Variants in COL9A2 observed in about 807,000 individuals in gnomAD.
COL9A2 encodes collagen type IX alpha 2 chain.
A neutral mutation model predicts 111.6 loss-of-function variants in COL9A2; 66 were observed. That is an observed-to-expected ratio of 0.59 (90% CI 0.48 to 0.73). The LOEUF is 0.73. Among genes scored for constraint, COL9A2 ranks in the 30% least tolerant of loss-of-function variants. COL9A2 has a pLI of 0.00. For missense variants in COL9A2, 881 were observed against 954.1 expected (o/e 0.92, Z 1.01); for synonymous variants, 353 against 364.1 (o/e 0.97, Z 0.35).
In COL9A2 at chr1:40,312,920, C is replaced by T; in HGVS notation, c.250-136G>A. 1 of 710,800 alleles carries T rather than the reference C, an allele frequency of 1.4e-6. No homozygotes were observed. 44.0% of individuals were successfully genotyped at this position (710,800 alleles called of 1,614,324 possible). Reference sequence around the variant, plus strand: ...CACCTCATGAAGGCCTAGGAACCTCCACACCTTTCTTTCCTTTTCCCCAGT... The same window carrying T: ...CACCTCATGAAGGCCTAGGAACCTCTACACCTTTCTTTCCTTTTCCCCAGT... On this transcript the variant is annotated intron_variant, in intron 4 of 31. Transcript: ENST00000372748. The surrounding 1 kb of genome is among the most constrained non-coding windows in gnomAD (Gnocchi z 6.0).
In COL9A2 at chr1:40,305,153, C is replaced by T. The variant is rs183357643; in HGVS notation, c.1108-306G>A. ...CGCGATCTCCGCTCACTGCAAGCTCCGCCTCCCGGGTTCATGCCATTCTCC... is the reference window on the plus strand; with the variant it reads ...CGCGATCTCCGCTCACTGCAAGCTCTGCCTCCCGGGTTCATGCCATTCTCC... On this transcript the variant is annotated intron_variant, in intron 21 of 31. Transcript: ENST00000372748. Among the ~76,000 whole-genome samples the T allele has an allele frequency of 2.1e-3, 314 of 150,634 alleles. 2 individuals carry two copies. The highest frequency in any genetic ancestry group is 7.2e-3 in the African/African-American group (297 of 40,984).
In COL9A2 at chr1:40,311,816, T is replaced by TC. The variant is rs368004457; in HGVS notation, c.418-102dup. 4.1e-5 allele frequency: 52 copies of TC among 1,266,652 alleles called. No homozygotes were observed. In the African/African-American group the frequency reaches 6.2e-4, roughly 15 times the overall value. 78.5% of individuals were successfully genotyped at this position (1,266,652 alleles called of 1,614,324 possible). ...TGCCTCTGCCCTCTCCACCCTGTCT[T>TC]CCCGGTCACTTTGTGAGATCCACCA... is the stretch of plus-strand genomic sequence containing the variant. On this transcript the variant is annotated intron_variant, in intron 8 of 31. Transcript: ENST00000372748. This position sits in a 1 kb window ranked among gnomAD's most constrained non-coding sequence, Gnocchi z 5.1.
At position 40,314,564 on chromosome 1, in the gene COL9A2, C is replaced by G. The variant is rs1033851453; in HGVS notation, c.151-177G>C. 3.3e-5 allele frequency among the ~76,000 whole-genome samples: 5 copies of G among 152,124 alleles called. No homozygotes were observed. The highest frequency in any genetic ancestry group is 3.3e-4 in the Admixed American group (5 of 15,268). ...CCCCCTTTTCCTCAAAAATAAAAAC[C>G]AAAAACAAATCACAGGAGCATGAGA... On this transcript the variant is annotated intron_variant, in intron 2 of 31. Transcript: ENST00000372748. This position sits in a 1 kb window ranked among gnomAD's most constrained non-coding sequence, Gnocchi z 4.1.
In COL9A2 at chr1:40,311,084, T is replaced by C. The variant is rs1459222092; in HGVS notation, c.630+9A>G. 14 of 1,613,984 alleles carry C rather than the reference T, an allele frequency of 8.7e-6. No individual in the cohort carries two copies. The highest frequency in any genetic ancestry group is 1.2e-5 in the Non-Finnish European group (14 of 1,180,014). ...TCCCTGACCCACAGCCCTCAGCCCT[T>C]GCACTCACCGGCTTCCCCTGGTGGC... On this transcript the variant is annotated intron_variant, in intron 12 of 31. Coordinates refer to ENST00000372748, the MANE Select transcript of COL9A2 (RefSeq NM_001852.4). This position sits in a 1 kb window ranked among gnomAD's most constrained non-coding sequence, Gnocchi z 5.1.
In COL9A2 at chr1:40,308,433, G is replaced by T. The variant is rs571014121; in HGVS notation, c.847-188C>A. 1.2e-4 allele frequency among the ~76,000 whole-genome samples: 18 copies of T among 152,342 alleles called. 1 individual carries two copies. In the South Asian group the frequency reaches 3.7e-3, roughly 32 times the overall value. On this transcript the variant is annotated intron_variant, in intron 16 of 31. Transcript: ENST00000372748. ...CCTGCCCTGGCACCAGCAGGAGGGA[G>T]GAGAAGTCAGTGCCAGGAGGCCAGG...
Position 40,303,762 on chromosome 1 carries a change from T to C in COL9A2, c.1401+45A>G. 6.4e-7 allele frequency: 1 copy of C among 1,551,942 alleles called. No homozygotes were observed. The highest frequency in any genetic ancestry group is 8.7e-7 in the Non-Finnish European group (1 of 1,150,036). ...GGGGGGTGGGGGTCGAGGAAGGGAG[T>C]GGCCGCCCAGGAAAGTCGGAGAACG... On this transcript the variant is annotated intron_variant, in intron 27 of 31. Coordinates refer to ENST00000372748, the MANE Select transcript of COL9A2 (RefSeq NM_001852.4). The surrounding 1 kb of genome is among the most constrained non-coding windows in gnomAD (Gnocchi z 4.6).
Position 40,315,649 on chromosome 1 carries a change from C to G in COL9A2, c.91G>C (p.Glu31Gln). 6.4e-7 allele frequency: 1 copy of G among 1,554,046 alleles called. No homozygotes were observed. The highest frequency in any genetic ancestry group is 8.7e-7 in the Non-Finnish European group (1 of 1,147,890). The change falls in exon 2 of 32, where the codon GAG (glutamate) becomes CAG (glutamine). Residue 31 changes from glutamate to glutamine, a missense_variant. Coordinates refer to ENST00000372748, the MANE Select transcript of COL9A2 (RefSeq NM_001852.4). Reference sequence around the variant, plus strand: ...CCCGGGGGACCCGGGGGGCCCCGCTCTCCCGGTGGACCTCTCTGAAAAACA... The same window carrying G: ...CCCGGGGGACCCGGGGGGCCCCGCTGTCCCGGTGGACCTCTCTGAAAAACA... ...ALAQIRGPPG[E>Q]RGPPGPPGPP...
chr1:40,315,564 G>T, intron 2 of COL9A2, 26 bp downstream of exon 2: 2 of 1,503,846 alleles, frequency 1.3e-6, no homozygotes, highest in Non-Finnish European at 1.8e-6. Context: ...CCTCCCTCCC[G>T]CCCTGGTCTC....
chr1:40,310,370 T>G lies in COL9A2; in HGVS notation c.685-53A>C. 2.5e-5 allele frequency: 38 copies of G among 1,528,508 alleles called. No homozygotes were observed. Among genetic ancestry groups the G allele is most frequent in the Non-Finnish European group, 3.4e-5 (37 of 1,103,244 alleles). The allele number at this position is 1,528,508 out of a possible 1,614,324, so 94.7% of individuals were successfully genotyped here. A position where few individuals can be genotyped will look rare whatever the true frequency, so the allele number is the denominator to read the frequency against. On this transcript the variant is annotated intron_variant, in intron 13 of 31. Transcript: ENST00000372748. The surrounding 1 kb of genome is among the most constrained non-coding windows in gnomAD (Gnocchi z 4.9). ...GGCAATTGCAAGGCCCACTTCATGA[T>G]ACCTTGTCTGATGCCCACCTTCAAT...
At position 40,311,377 on chromosome 1, in the gene COL9A2, GT is replaced by G; in HGVS notation, c.520-92del. On this transcript the variant is annotated intron_variant, in intron 10 of 31. Coordinates refer to ENST00000372748, the MANE Select transcript of COL9A2 (RefSeq NM_001852.4). This position sits in a 1 kb window ranked among gnomAD's most constrained non-coding sequence, Gnocchi z 5.1. ...CCCGTGCTCTCCTCCGCCTCACCTG[GT>G]GGAACCCCTGCACTGCAGCCCCTCC... 6.3e-7 allele frequency: 1 copy of G among 1,574,924 alleles called. No individual in the cohort carries two copies. Among genetic ancestry groups the G allele is most frequent in the Non-Finnish European group, 8.7e-7 (1 of 1,155,030 alleles).
chr1:40,305,269 G>A (rs1569719373), intron 21 of COL9A2, among the ~76,000 whole-genome samples: 2 of 151,590 alleles, frequency 1.3e-5, no homozygotes, highest in Admixed American at 6.6e-5. Flanking sequence ...GGGTTTCACC[G>A]CGGTCTGGAT....
rs182012627 is a variant in COL9A2, at chr1:40,303,575, G to T, written c.1503C>A (p.Ala501=). The change falls in exon 28 of 32, where the codon GCC becomes GCA. Residue 501 remains alanine (A), a synonymous_variant. Transcript: ENST00000372748. The surrounding 1 kb of genome is among the most constrained non-coding windows in gnomAD (Gnocchi z 4.6). ...GCTGTCCTGGCACGCCTCGGTTCCC[G>T]GCCAGTCCTCGAGGGCCGGGGGGAC... ...YPGPPGPRGL[A]GNRGVPGQPG... The T allele has an allele frequency of 1.7e-5, 27 of 1,610,420 alleles. No individual in the cohort carries two copies. The East Asian group carries it at 6.0e-4, about 36-fold the overall frequency.
intron 16 of COL9A2, 47 bp downstream of exon 16, chr1:40,309,891 G>A (rs777716915): frequency 1.2e-6 from 2 of 1,604,236 alleles, no homozygotes; most frequent in African/African-American, 1.3e-5. Flanking sequence ...GTCCTGCCCA[G>A]TACTCCCCAG....
At position 40,311,067 on chromosome 1, in the gene COL9A2, C is replaced by A. The variant is rs778650541; in HGVS notation, c.630+26G>T. ...AGGACCATCTCCACGTATCCCTGAC[C>A]CACAGCCCTCAGCCCTTGCACTCAC... On this transcript the variant is annotated intron_variant, in intron 12 of 31. Transcript: ENST00000372748. This position sits in a 1 kb window ranked among gnomAD's most constrained non-coding sequence, Gnocchi z 5.1. 29 of 1,613,702 alleles carry A rather than the reference C, an allele frequency of 1.8e-5. No homozygotes were observed. The highest frequency in any genetic ancestry group is 2.5e-5 in the Non-Finnish European group (29 of 1,179,926).
Position 40,310,412 on chromosome 1 carries a change from G to C in COL9A2, c.685-95C>G. ...ACCTTCAATCTTACAGTGCCCTTTT[G>C]AGGTAGGCAGCAGAGTCTCTGTCTC... On this transcript the variant is annotated intron_variant, in intron 13 of 31. Transcript: ENST00000372748. This position sits in a 1 kb window ranked among gnomAD's most constrained non-coding sequence, Gnocchi z 4.9. 1 of 1,271,012 alleles carries C rather than the reference G, an allele frequency of 7.9e-7. No individual in the cohort carries two copies. Among genetic ancestry groups the C allele is most frequent in the Non-Finnish European group, 1.1e-6 (1 of 876,258 alleles). The allele number at this position is 1,271,012 out of a possible 1,614,324, so 78.7% of individuals were successfully genotyped here.
chr1:40,315,623 T>TCCCGGGGGA lies in COL9A2; in HGVS notation c.108_116dup (p.Pro40_Gly42dup), dbSNP rs1557806907. On this transcript the variant is annotated inframe_insertion, in exon 2 of 32. Transcript: ENST00000372748. ...CGTCGGATCCAGGCACTCCCGGCGGTCCCGGGGGACCCGGGGGGCCCCGCT... is the reference window on the plus strand; with the variant it reads ...CGTCGGATCCAGGCACTCCCGGCGGTCCCGGGGGACCCGGGGGACCCGGGGGGCCCCGCT... 1 of 1,552,974 alleles carries TCCCGGGGGA rather than the reference T, an allele frequency of 6.4e-7. No individual in the cohort carries two copies. Among genetic ancestry groups the TCCCGGGGGA allele is most frequent in the Non-Finnish European group, 8.7e-7 (1 of 1,147,498 alleles).
chr1:40,304,753 G>T, intron 22 of COL9A2, 41 bp downstream of exon 22: 1 of 1,526,422 alleles, frequency 6.6e-7, no homozygotes, highest in Non-Finnish European at 8.9e-7. Flanking sequence ...GCCAGCTGCC[G>T]CAGAGGCCCC....
chr1:40,301,520 T>G, intron 31 of COL9A2, 139 bp from the exon 32 acceptor site: 2 of 737,268 alleles, frequency 2.7e-6, no homozygotes, highest in Non-Finnish European at 4.5e-6. Context: ...GAGGCAGAGA[T>G]TCTGTGATTG....
chr1:40,313,438 G>A (rs1026039626), intron 4 of COL9A2, among the ~76,000 whole-genome samples: 1 of 152,144 alleles, frequency 6.6e-6, no homozygotes. Flanking sequence ...CAAAGTGCTG[G>A]GATTACAGGC....
Sources: gnomAD v4.1 joint callset for allele counts (sites outside exome capture counted in the v4.1 genomes callset) on GRCh38, gnomAD v4.1.1 for gene constraint, Gnocchi (gnomAD v3.1) non-coding constraint, MANE v1.5 for transcripts, NCBI Gene and HGNC (gene_info 2026-07-23, HGNC 2026-07-21) for gene names.